Variants in BIN1 observed in about 807,000 individuals in gnomAD.
BIN1 encodes the protein bridging integrator 1.
In BIN1, 53 loss-of-function variants were observed where a neutral mutation model predicts 82.0. That is an observed-to-expected ratio of 0.65 (90% CI 0.52 to 0.81). The LOEUF is 0.81. Among genes scored for constraint, BIN1 ranks in the 40% least tolerant of loss-of-function variants. BIN1 has a pLI of 0.00. For synonymous variants in BIN1, 302 were observed against 328.0 expected (o/e 0.92, Z 0.86); for missense variants, 642 against 784.4 (o/e 0.82, Z 2.17).
chr2:127,062,022 G>A, intron 10 of BIN1, 93 bp downstream of exon 10: 1 of 1,451,446 alleles, frequency 6.9e-7, no homozygotes, highest in Non-Finnish European at 9.3e-7. Context: ...CAAACCCATG[G>A]GGGACCAGGG....
chr2:127,081,943 G>C, intron 1 of BIN1: 1 of 1,235,114 alleles, frequency 8.1e-7, no homozygotes, highest in Non-Finnish European at 1.0e-6. Context: ...CACGGAGGCA[G>C]GATGCACACC....
intron 9 of BIN1, 45 bp downstream of exon 9, chr2:127,063,526 G>A (rs549913572): frequency 4.6e-5 from 73 of 1,590,782 alleles, no homozygotes; most frequent in Admixed American, 3.6e-4. Flanking sequence ...TCTGACCCTC[G>A]GCCAGGGTGG....
Position 127,052,361 on chromosome 2 carries a change from G to A in BIN1, c.1265C>T (p.Pro422Leu), listed in dbSNP as rs760559539. 4 of 1,575,606 alleles carry A rather than the reference G, an allele frequency of 2.5e-6. No individual in the cohort carries two copies. The Admixed American group carries it at 7.3e-5, about 29-fold the overall frequency. ...GQSIPWDLWE[P>L]TESPAGSLPS... ...CAGGCTGCCGGCTGGACTCTCTGTG[G>A]GCTGGTAACAGGCCACGAGGAGAGA... Residue 422 changes from proline to leucine, a missense_variant and splice_region_variant, in exon 15 of 19, where the codon CCC (proline) becomes CTC (leucine). Coordinates refer to ENST00000316724, the MANE Select transcript of BIN1 (RefSeq NM_139343.3).
intron 11 of BIN1, among the ~76,000 whole-genome samples, chr2:127,058,094 G>A (rs1381739221): frequency 2.6e-5 from 4 of 152,202 alleles, no homozygotes; most frequent in South Asian, 2.1e-4. Flanking sequence ...GCTCAGACGA[G>A]TGTATCCCAG....
chr2:127,071,929 G>A (rs1472979770), intron 2 of BIN1, among the ~76,000 whole-genome samples: 3 of 152,240 alleles, frequency 2.0e-5, no homozygotes, highest in African/African-American at 7.2e-5. Flanking sequence ...TTCATGCTAA[G>A]GACAGGAACA....
Position 127,082,496 on chromosome 2 carries a change from A to C in BIN1, c.85-5790T>G, listed in dbSNP as rs148137232. Among the ~76,000 whole-genome samples, 690 of 152,012 alleles carry C rather than the reference A, an allele frequency of 4.5e-3. 8 individuals are homozygous for C. The highest frequency in any genetic ancestry group is 0.016 in the African/African-American group (654 of 41,456). On this transcript the variant is annotated intron_variant, in intron 1 of 18. Transcript: ENST00000316724. The surrounding 1 kb of genome is among the most constrained non-coding windows in gnomAD (Gnocchi z 6.1). ...GGCAGGCCATGGTGGGCGCCCAGGC[A>C]GGGGAAGGGGTACAAGGCCCTCTGC...
At chr2:127,106,456 A>C (rs13417002) in intron 1 of BIN1, among the ~76,000 whole-genome samples, 12,830 of 152,262 alleles carry the variant, frequency 0.084, 723 homozygotes, top group African/African-American at 0.16. Context: ...GCGCCGGCCC[A>C]GCCTAGGTTG....
At chr2:127,089,257 C>T (rs560511562) in intron 1 of BIN1, among the ~76,000 whole-genome samples, 22 of 152,246 alleles carry the variant, frequency 1.4e-4, no homozygotes, top group African/African-American at 5.1e-4. Context: ...ACCACAGAGG[C>T]CCCTGGAAGA....
At chr2:127,061,235 G>A (rs1392504545) in intron 10 of BIN1, among the ~76,000 whole-genome samples, 3 of 75,664 alleles carry the variant, frequency 4.0e-5, no homozygotes, top group African/African-American at 1.0e-4. Flanking sequence ...CCACCACAAC[G>A]CCACCGTCCT....
At position 127,051,247 on chromosome 2, in the gene BIN1, C is replaced by T; in HGVS notation, c.1372-4G>A. The T allele has an allele frequency of 6.2e-7, 1 of 1,613,686 alleles. No homozygotes were observed. The highest frequency in any genetic ancestry group is 2.2e-5 in the East Asian group (1 of 44,866). On this transcript the variant is annotated splice_polypyrimidine_tract_variant and splice_region_variant and intron_variant, in intron 15 of 18. Transcript: ENST00000316724. ...CCACCTCCGAGGCCTCTGCTGGCTG[C>T]AACATAAATGCCGGCTTGGGGTCAG...
At chr2:127,056,345 G>C (rs540215347) in intron 12 of BIN1, 2 of 152,572 alleles carry the variant, frequency 1.3e-5, no homozygotes, top group African/African-American at 4.8e-5. Context: ...ATCCCACAGA[G>C]AGGGGCTCCC....
At position 127,070,601 on chromosome 2, in the gene BIN1, C is replaced by G; in HGVS notation, c.267G>C (p.Val89=). Residue 89 remains valine, a synonymous_variant, in exon 4 of 19, where the codon GTG becomes GTC. Transcript: ENST00000316724. The part of the protein sequence containing the change: ...SKKLNECLQE[V]YEPDWPGRDE... ...CCCTGCCGGGCCAATCGGGCTCATA[C>G]ACCTCCTGCAGACACTCATTCAGCT... 2 of 1,614,154 alleles carry G rather than the reference C, an allele frequency of 1.2e-6. No individual in the cohort carries two copies. The highest frequency in any genetic ancestry group is 1.7e-6 in the Non-Finnish European group (2 of 1,180,022).
At chr2:127,083,078 C>CTTTTTTTTTTTT (rs112344101) in intron 1 of BIN1, among the ~76,000 whole-genome samples, 2 of 142,876 alleles carry the variant, frequency 1.4e-5, no homozygotes, top group Non-Finnish European at 3.1e-5. Flanking sequence ...TTGCTTTTTT[C>CTTTTTTTTTTTT]TTTTTTTTTT....
In BIN1 at chr2:127,090,986, G is replaced by A. The variant is rs1678852224; in HGVS notation, c.85-14280C>T. On this transcript the variant is annotated intron_variant, in intron 1 of 18. Transcript: ENST00000316724. This position sits in a 1 kb window ranked among gnomAD's most constrained non-coding sequence, Gnocchi z 6.4. ...GGTTCTTACACGTCTGTTCCTGTCT[G>A]AGAAGCTCAACCTATACATGCAACC... 6.6e-6 allele frequency among the ~76,000 whole-genome samples: 1 copy of A among 152,176 alleles called. No homozygotes were observed. The highest frequency in any genetic ancestry group is 1.5e-5 in the Non-Finnish European group (1 of 68,036).
chr2:127,099,703 G>A (rs964475945), intron 1 of BIN1, among the ~76,000 whole-genome samples: 28 of 151,966 alleles, frequency 1.8e-4, no homozygotes, highest in African/African-American at 2.9e-4. Context: ...TAGTAGAGAC[G>A]GGGGTTCACC....
At chr2:127,081,964 G>T (rs1003241283) in intron 1 of BIN1, 8 of 1,145,406 alleles carry the variant, frequency 7.0e-6, no homozygotes, top group Middle Eastern at 2.4e-4. Context: ...CTCGTGCCCC[G>T]GCGTTCTCAC....
In BIN1 at chr2:127,057,396, G is replaced by A; in HGVS notation, c.1131+77C>T. On this transcript the variant is annotated intron_variant, in intron 12 of 18. Transcript: ENST00000316724. This position sits in a 1 kb window ranked among gnomAD's most constrained non-coding sequence, Gnocchi z 5.0. ...CAGATTCCTGGCTCTTGAGACAGAA[G>A]CATAGAGGATGAAGGCCATGCACGC... 2.8e-6 allele frequency: 4 copies of A among 1,454,408 alleles called. No individual in the cohort carries two copies. Among genetic ancestry groups the A allele is most frequent in the Non-Finnish European group, 3.6e-6 (4 of 1,097,884 alleles). 90.1% of individuals were successfully genotyped at this position (1,454,408 alleles called of 1,614,324 possible). A position where few individuals can be genotyped will look rare whatever the true frequency, so the allele number is the denominator to read the frequency against.
At chr2:127,076,235 C>A (rs1032233761) in intron 2 of BIN1, among the ~76,000 whole-genome samples, 1 of 152,176 alleles carries the variant, frequency 6.6e-6, no homozygotes, top group Non-Finnish European at 1.5e-5. Context: ...CCAAATCAAA[C>A]CCAGCCTGCT....
Position 127,069,976 on chromosome 2 carries a change from C to G in BIN1, c.411+19G>C, listed in dbSNP as rs763007872. Reference sequence around the variant, plus strand: ...CCCTCCAGGCCAGAGCAGGGCAGATCTGCAAGTGGGTCTCTCACCTTGATG... The same window carrying G: ...CCCTCCAGGCCAGAGCAGGGCAGATGTGCAAGTGGGTCTCTCACCTTGATG... On this transcript the variant is annotated intron_variant, in intron 5 of 18. Transcript: ENST00000316724. 3 of 1,613,234 alleles carry G rather than the reference C, an allele frequency of 1.9e-6. No homozygotes were observed. Among genetic ancestry groups the G allele is most frequent in the Non-Finnish European group, 8.5e-7 (1 of 1,179,222 alleles).
Sources: allele counts gnomAD v4.1 joint callset (sites outside exome capture counted in the v4.1 genomes callset), GRCh38; gene constraint gnomAD v4.1.1; non-coding constraint Gnocchi (gnomAD v3.1); transcripts MANE v1.5; gene names NCBI Gene and HGNC (gene_info 2026-07-23, HGNC 2026-07-21).